The following SAMD3 variants were observed in gnomAD, a reference collection of about 807,000 sequenced individuals.
The protein encoded by SAMD3 is sterile alpha motif domain containing 3.
In SAMD3, 63 loss-of-function variants were observed where a neutral mutation model predicts 58.5. The observed-to-expected ratio is 1.08, with a 90% CI of 0.88 to 1.33. SAMD3 has a LOEUF of 1.33. SAMD3 is among the 40% of genes most tolerant of loss of function. The probability of loss-of-function intolerance (pLI) is 0.00; values close to 1 mark genes in which losing one functional copy is unlikely to be tolerated. For synonymous variants in SAMD3, 220 were observed against 210.3 expected, an observed-to-expected ratio of 1.05 and a Z score of -0.40; for missense variants, 604 against 608.4, an observed-to-expected ratio of 0.99 and a Z score of 0.08.
chr6:130,333,410 C>T (rs1777002728), intron 1 of SAMD3, among the ~76,000 whole-genome samples: 1 of 152,156 alleles, frequency 6.6e-6, no homozygotes, highest in Non-Finnish European at 1.5e-5. Context: ...TCCACCTTCT[C>T]CTCAGGAGTA....
chr6:130,183,474 G>A, intron 7 of SAMD3: 1 of 422,916 alleles, frequency 2.4e-6, no homozygotes, highest in Non-Finnish European at 4.6e-6. Flanking sequence ...CCAGACAACA[G>A]CTCCACTGGG....
At chr6:130,334,119 TA>T (rs774544876) in intron 1 of SAMD3, among the ~76,000 whole-genome samples, 2 of 152,068 alleles carry the variant, frequency 1.3e-5, no homozygotes, top group Non-Finnish European at 2.9e-5. Flanking sequence ...GCATAGGTTT[TA>T]AAAAAAACTA....
intron 2 of SAMD3, among the ~76,000 whole-genome samples, chr6:130,289,077 A>G (rs1190870876): frequency 6.6e-6 from 1 of 152,162 alleles, no homozygotes; most frequent in Admixed American, 6.5e-5. Context: ...AAGACTACAC[A>G]TCTAATAAAT....
chr6:130,281,464 G>A (rs1774978339), intron 2 of SAMD3, among the ~76,000 whole-genome samples: 1 of 152,118 alleles, frequency 6.6e-6, no homozygotes, highest in Non-Finnish European at 1.5e-5. Flanking sequence ...GAACTTGAAA[G>A]CTTGTGAATG....
rs758085135 is a variant in SAMD3, at chr6:130,144,740, G to GA, written c.1342dup (p.Ser448PhefsTer30). The stretch of plus-strand genomic sequence containing the variant: ...GAGCCTCTCCCTTTCTAAATATAAA[G>GA]AAAATTCGCAGACCTCCATGTTGAA... On this transcript the variant is annotated frameshift_variant, in exon 12 of 12. Transcript: ENST00000439090. LOFTEE classifies it high-confidence loss of function. The GA allele has an allele frequency of 8.7e-6, 14 of 1,613,954 alleles. No homozygotes were observed. The African/African-American group carries it at 1.6e-4, about 18-fold the overall frequency.
intron 1 of SAMD3, among the ~76,000 whole-genome samples, chr6:130,333,930 C>T (rs73607670): frequency 0.017 from 2,518 of 152,276 alleles, 71 homozygotes; most frequent in African/African-American, 0.057. Context: ...TAGCCAGACT[C>T]CTCAGTGGGG....
intron 2 of SAMD3, among the ~76,000 whole-genome samples, chr6:130,238,653 C>T (rs777299238): frequency 2.4e-4 from 36 of 152,282 alleles, no homozygotes; most frequent in Non-Finnish European, 1.5e-4. Flanking sequence ...CCCATGCTGT[C>T]CACATGCCCA....
Position 130,184,181 on chromosome 6 carries a change from G to A in SAMD3, c.576C>T (p.Pro192=), listed in dbSNP as rs1792690207. 1 of 1,605,940 alleles carries A rather than the reference G, an allele frequency of 6.2e-7. No individual in the cohort carries two copies. The highest frequency in any genetic ancestry group is 8.5e-7 in the Non-Finnish European group (1 of 1,174,888). Reference sequence around the variant, plus strand: ...CCACGTCATTGTACTGCTGGGTGCTGGGGTACCTGTTCACCAAAACAAGGA... The same window carrying A: ...CCACGTCATTGTACTGCTGGGTGCTAGGGTACCTGTTCACCAAAACAAGGA... ...MTKYLEGSLY[P]STQQYNDVVN... is the part of the protein sequence containing the mutation. The change falls in exon 7 of 12, where the codon CCC becomes CCT. Residue 192 remains proline (P), a synonymous_variant. Coordinates refer to ENST00000439090, the MANE Select transcript of SAMD3 (RefSeq NM_001017373.4).
chr6:130,176,146 A>G (rs751921621), intron 7 of SAMD3, 138 bp from the exon 8 acceptor site: 3 of 728,290 alleles, frequency 4.1e-6, no homozygotes, highest in Middle Eastern at 2.3e-4. Context: ...TAGAAACAAT[A>G]TATCTATCCT....
At chr6:130,189,342 T>C (rs1793314821) in intron 5 of SAMD3, among the ~76,000 whole-genome samples, 2 of 152,170 alleles carry the variant, frequency 1.3e-5, no homozygotes, top group South Asian at 2.1e-4. Context: ...TGTAGCCATC[T>C]GCAAGTGAAA....
intron 2 of SAMD3, among the ~76,000 whole-genome samples, chr6:130,270,341 C>T (rs150584866): frequency 5.9e-5 from 9 of 152,332 alleles, no homozygotes; most frequent in Admixed American, 2.6e-4. Flanking sequence ...GATTTGCCCA[C>T]CTCAGCCTCC....
intron 1 of SAMD3, among the ~76,000 whole-genome samples, chr6:130,314,923 C>T (rs899920007): frequency 1.3e-5 from 2 of 152,132 alleles, no homozygotes; most frequent in African/African-American, 2.4e-5. Flanking sequence ...TTCTGAATAC[C>T]AGTACTTTAA....
intron 2 of SAMD3, among the ~76,000 whole-genome samples, chr6:130,254,886 G>C (rs902280234): frequency 4.6e-5 from 7 of 152,240 alleles, no homozygotes; most frequent in Admixed American, 1.3e-4. Flanking sequence ...TTCTGGAGGT[G>C]TACAGTTGTT....
chr6:130,327,245 C>T (rs1030060375), intron 1 of SAMD3, among the ~76,000 whole-genome samples: 4 of 151,984 alleles, frequency 2.6e-5, no homozygotes, highest in African/African-American at 4.8e-5. Context: ...CCATGAAACA[C>T]ATCAGTCAAA....
At chr6:130,253,321 T>C (rs1489019591) in intron 2 of SAMD3, among the ~76,000 whole-genome samples, 1 of 152,212 alleles carries the variant, frequency 6.6e-6, no homozygotes, top group Non-Finnish European at 1.5e-5. Context: ...TTCAAGTTCT[T>C]GTGAGTCTGG....
At chr6:130,231,334 C>T (rs955499211) in intron 2 of SAMD3, among the ~76,000 whole-genome samples, 1 of 152,104 alleles carries the variant, frequency 6.6e-6, no homozygotes, top group East Asian at 1.9e-4. Context: ...GAAGCTGAGG[C>T]GGGCAGATCA....
chr6:130,207,095 G>GCCCT (rs576765768), intron 5 of SAMD3, among the ~76,000 whole-genome samples: 12 of 146,282 alleles, frequency 8.2e-5, no homozygotes, highest in Non-Finnish European at 1.3e-4. Flanking sequence ...GCTGCAGTGA[G>GCCCT]CCCTGATTGC....
At chr6:130,179,111 C>T (rs142983177) in intron 7 of SAMD3, among the ~76,000 whole-genome samples, 1,671 of 152,268 alleles carry the variant, frequency 0.011, 18 homozygotes, top group Non-Finnish European at 0.017. Flanking sequence ...TAGCAATCAA[C>T]GGCTAGGACA....
chr6:130,164,620 CCCA>C (rs1239193559), intron 8 of SAMD3, among the ~76,000 whole-genome samples: 4 of 152,046 alleles, frequency 2.6e-5, no homozygotes, highest in Non-Finnish European at 5.9e-5. Flanking sequence ...CCTGATAACC[CCCA>C]CACTTTATAG....
Sources: gnomAD v4.1 joint callset for allele counts (sites outside exome capture counted in the v4.1 genomes callset) on GRCh38, gnomAD v4.1.1 for gene constraint, MANE v1.5 for transcripts, NCBI Gene and HGNC (gene_info 2026-07-23, HGNC 2026-07-21) for gene names.